The following LARP1B variants were observed in gnomAD, a reference collection of about 807,000 sequenced individuals.
The protein encoded by LARP1B is La ribonucleoprotein 1B, also known as la-related protein 1B.
A neutral mutation model predicts 114.2 loss-of-function variants in LARP1B; 76 were observed. The ratio of observed to expected loss-of-function variants is 0.67; its 90% CI spans 0.55 to 0.81. LARP1B has a LOEUF of 0.81. LARP1B is among the 30% of genes least tolerant of loss of function. The pLI is 0.00. For missense variants in LARP1B, 1,014 were observed against 1,075.8 expected, an observed-to-expected ratio of 0.94 and a Z score of 0.80; for synonymous variants, 345 against 348.0, an observed-to-expected ratio of 0.99 and a Z score of 0.10.
intron 3 of LARP1B, among the ~76,000 whole-genome samples, chr4:128,076,247 C>T (rs976640900): frequency 2.0e-5 from 3 of 151,826 alleles, no homozygotes; most frequent in African/African-American, 7.3e-5. Context: ...TCAGGTGATC[C>T]ACCCACCTTG....
At chr4:128,143,948 T>C (rs1374676395) in intron 11 of LARP1B, among the ~76,000 whole-genome samples, 1 of 152,036 alleles carries the variant, frequency 6.6e-6, no homozygotes, top group East Asian at 1.9e-4. Context: ...TTCCTGAAAA[T>C]ACGAGACTAG....
chr4:128,195,930 T>C (rs993355593), intron 15 of LARP1B, among the ~76,000 whole-genome samples: 1 of 152,092 alleles, frequency 6.6e-6, no homozygotes, highest in African/African-American at 2.4e-5. Context: ...ATATTACTAC[T>C]GGTTGACCTT....
chr4:128,099,988 C>T (rs976135542), intron 8 of LARP1B, among the ~76,000 whole-genome samples: 1 of 151,442 alleles, frequency 6.6e-6, no homozygotes, highest in African/African-American at 2.5e-5. Context: ...CAGTTTTGCT[C>T]TTGTTGCCCA....
chr4:128,118,687 T>C (rs2149966565), intron 10 of LARP1B, among the ~76,000 whole-genome samples: 1 of 152,120 alleles, frequency 6.6e-6, no homozygotes, highest in East Asian at 1.9e-4. Context: ...CTTGGGTGTT[T>C]AAAAAAAGTT....
At chr4:128,202,537 C>T (rs1756310957) in intron 17 of LARP1B, among the ~76,000 whole-genome samples, 1 of 152,180 alleles carries the variant, frequency 6.6e-6, no homozygotes, top group South Asian at 2.1e-4. Context: ...TGGACCTAGT[C>T]AGAAAAGTTT....
intron 11 of LARP1B, among the ~76,000 whole-genome samples, chr4:128,147,316 C>T (rs1245167099): frequency 6.6e-6 from 1 of 152,164 alleles, no homozygotes; most frequent in Non-Finnish European, 1.5e-5. Flanking sequence ...GAGTCTTTCC[C>T]TTTTTCTCAC....
At chr4:128,117,763 G>T (rs1226860318) in intron 10 of LARP1B, among the ~76,000 whole-genome samples, 1 of 151,642 alleles carries the variant, frequency 6.6e-6, no homozygotes, top group African/African-American at 2.4e-5. Context: ...CAGGTGAACC[G>T]CTGGCCTCGG....
chr4:128,176,152 T>TATATATAAATATATATATTATATATAA (rs1187038927), intron 12 of LARP1B, among the ~76,000 whole-genome samples: 1 of 130,896 alleles, frequency 7.6e-6, no homozygotes, highest in African/African-American at 2.8e-5. Flanking sequence ...ATTTATATTA[T>TATATATAAATATATATATTATATATAA]ATATATAAAT....
At chr4:128,202,098 G>A (rs1756147340) in intron 17 of LARP1B, among the ~76,000 whole-genome samples, 1 of 152,120 alleles carries the variant, frequency 6.6e-6, no homozygotes, top group Non-Finnish European at 1.5e-5. Flanking sequence ...TCCATGGCAG[G>A]TGTACTTCTA....
chr4:128,064,588 G>A (rs1220181859), intron 1 of LARP1B, among the ~76,000 whole-genome samples: 3 of 152,068 alleles, frequency 2.0e-5, no homozygotes, highest in Non-Finnish European at 4.4e-5. Context: ...TTAAAGCCCA[G>A]TGGCAAGCAC....
At chr4:128,100,554 G>A (rs968399807) in intron 8 of LARP1B, among the ~76,000 whole-genome samples, 1 of 151,992 alleles carries the variant, frequency 6.6e-6, no homozygotes, top group African/African-American at 2.4e-5. Flanking sequence ...TTACAGGCGT[G>A]AGCCACCACG....
intron 9 of LARP1B, among the ~76,000 whole-genome samples, chr4:128,113,249 T>G (rs1198333736): frequency 1.3e-5 from 2 of 152,214 alleles, no homozygotes; most frequent in Admixed American, 1.3e-4. Flanking sequence ...TCTTCAGATC[T>G]AAACATGAAT....
intron 7 of LARP1B, among the ~76,000 whole-genome samples, chr4:128,096,830 G>A (rs530798088): frequency 6.6e-6 from 1 of 152,048 alleles, no homozygotes; most frequent in Non-Finnish European, 1.5e-5. Context: ...TCGATCTCCT[G>A]ACCTTGTGAT....
chr4:128,065,340 CT>C (rs1561013596), intron 1 of LARP1B, among the ~76,000 whole-genome samples: 27 of 93,168 alleles, frequency 2.9e-4, no homozygotes, highest in African/African-American at 1.1e-3. Context: ...TCTTTCCTTT[CT>C]TTTCTTTTCT....
chr4:128,095,769 TTTATACC>T (rs1334134960), intron 7 of LARP1B, among the ~76,000 whole-genome samples: 1 of 152,126 alleles, frequency 6.6e-6, no homozygotes, highest in African/African-American at 2.4e-5. Flanking sequence ...GTCACTGAGT[TTTATACC>T]CCAAAATGTG....
intron 12 of LARP1B, among the ~76,000 whole-genome samples, chr4:128,166,024 A>G (rs190582029): frequency 6.6e-6 from 1 of 152,204 alleles, no homozygotes; most frequent in East Asian, 1.9e-4. Context: ...ATTAATATGT[A>G]TAGACCAGAC....
intron 17 of LARP1B, among the ~76,000 whole-genome samples, chr4:128,203,906 T>C (rs973377905): frequency 1.3e-5 from 2 of 152,242 alleles, no homozygotes; most frequent in Non-Finnish European, 2.9e-5. Flanking sequence ...TTTCTGGTTC[T>C]AAGCCTCTAG....
intron 5 of LARP1B, among the ~76,000 whole-genome samples, chr4:128,083,950 C>A (rs1022452951): frequency 3.3e-5 from 5 of 149,336 alleles, no homozygotes; most frequent in Non-Finnish European, 5.9e-5. Flanking sequence ...TCAGACGGGG[C>A]GGTTGCTGGG....
At chr4:128,222,266 G>A in intron 7 of LARP1B, 1 of 453,898 alleles carries the variant, frequency 2.2e-6, no homozygotes, top group Non-Finnish European at 4.4e-6. Context: ...CCATGAAGCA[G>A]TTACCATGAA....
Sources: allele counts gnomAD v4.1 joint callset (sites outside exome capture counted in the v4.1 genomes callset), GRCh38; gene constraint gnomAD v4.1.1; transcripts MANE v1.5; gene names NCBI Gene and HGNC (gene_info 2026-07-23, HGNC 2026-07-21).